The following UBR3 variants were observed in gnomAD, a reference collection of about 807,000 sequenced individuals.
UBR3 encodes ubiquitin protein ligase E3 component n-recognin 3.
In UBR3, 85 loss-of-function variants were observed where a neutral mutation model predicts 243.2. The observed-to-expected ratio is 0.35, with a 90% CI of 0.29 to 0.42. The LOEUF is 0.42. UBR3 is among the 10% of genes least tolerant of loss of function. The probability of loss-of-function intolerance (pLI) is 1.00; values close to 1 mark genes in which losing one functional copy is unlikely to be tolerated. For missense variants in UBR3, 1,686 were observed against 2,300.8 expected (o/e 0.73, Z 5.47); for synonymous variants, 748 against 799.8 (o/e 0.94, Z 1.09).
In UBR3 at chr2:170,061,109, G is replaced by T. The variant is rs1347122544; in HGVS notation, c.4816G>T (p.Val1606Leu). ...STCDAEKSYE[V>L]LLSFVISELF... ...ATGTGATGCAGAAAAGTCTTACGAA[G>T]TATTACTGAGCTTTGTGATAAGTGA... is the stretch of plus-strand genomic sequence containing the variant. Residue 1606 changes from valine to leucine, a missense_variant, in exon 34 of 39, where the codon GTA becomes TTA. Coordinates refer to ENST00000272793, the MANE Select transcript of UBR3 (RefSeq NM_172070.4). 3.1e-6 allele frequency: 5 copies of T among 1,590,454 alleles called. No individual in the cohort carries two copies. The highest frequency in any genetic ancestry group is 3.4e-6 in the Non-Finnish European group (4 of 1,173,074).
chr2:169,972,068 A>T (rs2088180828), intron 24 of UBR3, among the ~76,000 whole-genome samples: 1 of 152,224 alleles, frequency 6.6e-6, no homozygotes, highest in Non-Finnish European at 1.5e-5. Flanking sequence ...ACGCAGTAAA[A>T]AATGATAAAG....
chr2:169,905,967 T>G, intron 9 of UBR3, 64 bp from the exon 10 acceptor site: 36 of 1,514,314 alleles, frequency 2.4e-5, no homozygotes, highest in Non-Finnish European at 2.9e-5. Flanking sequence ...GAAATGTACT[T>G]GATATTTAAC....
Position 170,008,846 on chromosome 2 carries a change from G to A in UBR3, c.4273G>A (p.Asp1425Asn). The change falls in exon 29 of 39, where the codon GAT becomes AAT. Residue 1425 changes from aspartate (D) to asparagine (N), a missense_variant. Physicochemically the swap from Asp to Asn is conservative, Grantham distance 23. Around this residue, in one of 8 missense-constraint regions of UBR3, gnomAD observed 371 missense variants for 422.5 expected, o/e 0.88. Transcript: ENST00000272793. ...TAAAGAAATGGAATCTGTAATGAAA[G>A]ATATAAAAAATACCACTCAGAAGAA... ...LSKEMESVMK[D>N]IKNTTQKKYR... 6.7e-7 allele frequency: 1 copy of A among 1,493,936 alleles called. No homozygotes were observed. The highest frequency in any genetic ancestry group is 1.2e-5 in the South Asian group (1 of 83,706). 92.5% of individuals were successfully genotyped at this position (1,493,936 alleles called of 1,614,324 possible).
chr2:170,000,071 A>C (rs1247846404), intron 26 of UBR3, among the ~76,000 whole-genome samples: 1 of 151,918 alleles, frequency 6.6e-6, no homozygotes, highest in East Asian at 1.9e-4. Flanking sequence ...GGTTGTGGTG[A>C]GCCGAGATTG....
intron 36 of UBR3, chr2:170,078,247 A>G (rs2091850697): frequency 2.2e-6 from 1 of 452,116 alleles, no homozygotes; most frequent in Non-Finnish European, 4.2e-6. Flanking sequence ...AATCCAAATG[A>G]TATCCATGGC....
At chr2:169,996,570 G>T (rs2089484749) in intron 26 of UBR3, among the ~76,000 whole-genome samples, 1 of 151,968 alleles carries the variant, frequency 6.6e-6, no homozygotes, top group South Asian at 2.1e-4. Flanking sequence ...TATTTTCAGA[G>T]ACTTTAAAAT....
At chr2:169,967,244 C>CG (rs2087858491) in intron 24 of UBR3, among the ~76,000 whole-genome samples, 82 of 112,108 alleles carry the variant, frequency 7.3e-4, no homozygotes, top group Non-Finnish European at 1.0e-3. Context: ...CCCCCACCCC[C>CG]CTACAGGGTA....
At chr2:169,871,752 A>AAAAAAAAAAAAAAAG (rs1400578538) in intron 1 of UBR3, among the ~76,000 whole-genome samples, 6 of 151,662 alleles carry the variant, frequency 4.0e-5, no homozygotes, top group African/African-American at 1.4e-4. Flanking sequence ...TCAAAAAAAA[A>AAAAAAAAAAAAAAAG]AAAAGAATAT....
intron 31 of UBR3, among the ~76,000 whole-genome samples, chr2:170,033,077 A>C (rs1417333643): frequency 6.6e-6 from 1 of 152,072 alleles, no homozygotes; most frequent in African/African-American, 2.4e-5. Context: ...CAAAGATGGT[A>C]TACAGAGTAT....
intron 32 of UBR3, among the ~76,000 whole-genome samples, chr2:170,046,812 T>C (rs916645620): frequency 3.3e-5 from 5 of 150,312 alleles, no homozygotes; most frequent in African/African-American, 1.2e-4. Flanking sequence ...AAAAATGACT[T>C]TTTTTTTTAG....
chr2:170,073,189 A>T (rs2091736487), intron 35 of UBR3, among the ~76,000 whole-genome samples: 1 of 152,196 alleles, frequency 6.6e-6, no homozygotes, highest in Admixed American at 6.6e-5. Flanking sequence ...TAAATGTATA[A>T]AAGAAGCAGA....
intron 1 of UBR3, among the ~76,000 whole-genome samples, chr2:169,858,460 G>A (rs1187375104): frequency 1.3e-5 from 2 of 152,060 alleles, no homozygotes; most frequent in Non-Finnish European, 2.9e-5. Context: ...TGGGACTGTA[G>A]GTATGTGCCA....
At position 170,015,309 on chromosome 2, in the gene UBR3, C is replaced by A. The variant is rs1409300975; in HGVS notation, c.4396C>A (p.Arg1466=). 1.2e-6 allele frequency: 2 copies of A among 1,610,392 alleles called. No individual in the cohort carries two copies. The highest frequency in any genetic ancestry group is 2.7e-5 in the African/African-American group (2 of 74,696). The stretch of plus-strand genomic sequence containing the variant: ...CAATTTAGAACTTGAATTGATTCAT[C>A]GAGGAGGCAATTTGTGTTCAGGTGG... ...RTNLELELIH[R]GGNLCSGGAS... The change falls in exon 30 of 39, where the codon CGA becomes AGA. Residue 1466 remains arginine (R), a synonymous_variant. Transcript: ENST00000272793.
intron 24 of UBR3, among the ~76,000 whole-genome samples, chr2:169,982,789 T>C (rs1232391264): frequency 6.6e-6 from 1 of 152,172 alleles, no homozygotes; most frequent in Non-Finnish European, 1.5e-5. Flanking sequence ...AATTGTTGTG[T>C]AACTAGCTGT....
At chr2:169,841,870 A>G (rs979384346) in intron 1 of UBR3, among the ~76,000 whole-genome samples, 3 of 151,748 alleles carry the variant, frequency 2.0e-5, no homozygotes, top group South Asian at 2.1e-4. Context: ...ACCACCCCCT[A>G]CTCCACGGTG....
chr2:169,858,083 T>C (rs1018428631), intron 1 of UBR3, among the ~76,000 whole-genome samples: 3 of 152,214 alleles, frequency 2.0e-5, no homozygotes, highest in African/African-American at 4.8e-5. Context: ...ACAACAGGCA[T>C]TTATTATCTC....
intron 8 of UBR3, among the ~76,000 whole-genome samples, chr2:169,902,956 C>T (rs897017362): frequency 9.2e-5 from 14 of 152,136 alleles, no homozygotes; most frequent in Non-Finnish European, 2.9e-5. Flanking sequence ...TCTTATGAGT[C>T]CCTCTACTTT....
At chr2:169,977,045 G>A (rs534051019) in intron 24 of UBR3, among the ~76,000 whole-genome samples, 20 of 151,738 alleles carry the variant, frequency 1.3e-4, no homozygotes, top group African/African-American at 3.9e-4. Context: ...CTGTTTGTTT[G>A]GTTCAACTCT....
At chr2:169,967,686 C>A (rs2087886655) in intron 24 of UBR3, among the ~76,000 whole-genome samples, 1 of 152,056 alleles carries the variant, frequency 6.6e-6, no homozygotes. Flanking sequence ...TGAGAGCAGC[C>A]ACATTGCAGG....
Sources: allele counts gnomAD v4.1 joint callset (sites outside exome capture counted in the v4.1 genomes callset), GRCh38; gene constraint gnomAD v4.1.1; regional missense constraint gnomAD v4.1.1; transcripts MANE v1.5; gene names NCBI Gene and HGNC (gene_info 2026-07-23, HGNC 2026-07-21).